Variants in NFATC3 observed in about 807,000 individuals in gnomAD.
The protein encoded by NFATC3 is nuclear factor of activated T-cells, cytoplasmic 3.
NFATC3 carries 46 observed loss-of-function variants against 98.6 expected under a neutral mutation model. The observed-to-expected ratio is 0.47, with a 90% CI of 0.37 to 0.60. NFATC3 has a LOEUF of 0.60. Ranked by LOEUF, NFATC3 falls within the 20% of genes least tolerant of loss-of-function variation. NFATC3 has a pLI of 0.00. For missense variants in NFATC3, 1,256 were observed against 1,295.5 expected, an observed-to-expected ratio of 0.97 and a Z score of 0.47; for synonymous variants, 512 against 472.2, an observed-to-expected ratio of 1.08 and a Z score of -1.09.
At chr16:68,218,957 G>A (rs976444444) in intron 9 of NFATC3, among the ~76,000 whole-genome samples, 3 of 151,828 alleles carry the variant, frequency 2.0e-5, no homozygotes, top group Admixed American at 2.0e-4. Context: ...ACAACATCTC[G>A]GCTGGGCACG....
At chr16:68,216,145 G>A (rs2041629875) in intron 9 of NFATC3, among the ~76,000 whole-genome samples, 1 of 152,166 alleles carries the variant, frequency 6.6e-6, no homozygotes. Flanking sequence ...CACAGGTAGT[G>A]GAATGGGTCC....
intron 9 of NFATC3, chr16:68,214,443 A>G (rs1347762711): frequency 1.9e-6 from 3 of 1,608,984 alleles, no homozygotes; most frequent in African/African-American, 2.7e-5. Context: ...GTGAGTGTTG[A>G]TTGAAATGTG....
chr16:68,154,517 C>A (rs2038507773), intron 3 of NFATC3, among the ~76,000 whole-genome samples: 1 of 152,078 alleles, frequency 6.6e-6, no homozygotes, highest in African/African-American at 2.4e-5. Flanking sequence ...CATATGCTTA[C>A]CTGAAGCTCC....
chr16:68,223,260 G>A (rs183459945), intron 9 of NFATC3, among the ~76,000 whole-genome samples: 2 of 152,314 alleles, frequency 1.3e-5, no homozygotes, highest in Non-Finnish European at 2.9e-5. Context: ...GACAGGTCAG[G>A]CACAATGGCT....
In NFATC3 at chr16:68,122,590, C is replaced by T. The variant is rs752741883; in HGVS notation, c.707C>T (p.Ser236Leu). Residue 236 changes from serine (S) to leucine (L), a missense_variant, in exon 2 of 10, where the codon TCA becomes TTA. Around this residue, in one of 3 missense-constraint regions of NFATC3, gnomAD observed 464 missense variants for 465.7 expected, o/e 1.00. Coordinates refer to ENST00000346183, the MANE Select transcript of NFATC3 (RefSeq NM_173165.3). ...HQQYGLGHSL[S>L]PRQSPCHSPR... The stretch of plus-strand genomic sequence containing the variant: ...CAGTATGGACTTGGACACTCATTAT[C>T]ACCCAGGCAATCTCCTTGCCACTCT... 6.2e-7 allele frequency: 1 copy of T among 1,614,166 alleles called. No homozygotes were observed. Among genetic ancestry groups the T allele is most frequent in the Non-Finnish European group, 8.5e-7 (1 of 1,180,028 alleles).
intron 1 of NFATC3, among the ~76,000 whole-genome samples, chr16:68,106,153 A>AGCC (rs2035642270): frequency 6.6e-6 from 1 of 152,060 alleles, no homozygotes; most frequent in South Asian, 2.1e-4. Context: ...TATAGGTGTG[A>AGCC]GCCGCCGCAC....
chr16:68,217,857 T>C, intron 9 of NFATC3: 2 of 1,228,566 alleles, frequency 1.6e-6, no homozygotes, highest in Non-Finnish European at 2.0e-6. Context: ...AGAAAACGAA[T>C]TGCATGGGCC....
intron 3 of NFATC3, among the ~76,000 whole-genome samples, chr16:68,144,407 C>A (rs199801092): frequency 1.3e-5 from 2 of 152,090 alleles, no homozygotes; most frequent in African/African-American, 4.8e-5. Flanking sequence ...TTATGCCCCA[C>A]CAATCTCACT....
chr16:68,207,997 C>T (rs770135007), intron 9 of NFATC3, among the ~76,000 whole-genome samples: 47 of 152,004 alleles, frequency 3.1e-4, no homozygotes, highest in Non-Finnish European at 5.7e-4. Context: ...GCCTGTTGTC[C>T]ATTTGTATAT....
rs776342784 is a variant in NFATC3 at position 68,122,280 on chromosome 16, A to T, written c.397A>T (p.Ile133Leu). The change falls in exon 2 of 10, where the codon ATA becomes TTA. Residue 133 changes from isoleucine to leucine, a missense_variant. Around this residue, in one of 3 missense-constraint regions of NFATC3, gnomAD observed 464 missense variants for 465.7 expected, o/e 1.00. Coordinates refer to ENST00000346183, the MANE Select transcript of NFATC3 (RefSeq NM_173165.3). ...ELDAHEDDLQ[I>L]NDPEREFLER... Reference sequence around the variant, plus strand: ...AGATGCACATGAAGATGACCTACAGATAAATGACCCAGAACGGGAATTTTT... The same window carrying T: ...AGATGCACATGAAGATGACCTACAGTTAAATGACCCAGAACGGGAATTTTT... 1 of 1,614,168 alleles carries T rather than the reference A, an allele frequency of 6.2e-7. No individual in the cohort carries two copies.
At chr16:68,162,266 G>C (rs1314557607) in intron 4 of NFATC3, among the ~76,000 whole-genome samples, 1 of 152,188 alleles carries the variant, frequency 6.6e-6, no homozygotes, top group African/African-American at 2.4e-5. Context: ...AGGTACTGTA[G>C]ATACCAGGGT....
chr16:68,199,840 C>T (rs372583388), intron 9 of NFATC3: 1 of 152,120 alleles, frequency 6.6e-6, no homozygotes. Context: ...CCTGCCTCAG[C>T]CTCCCAAAGT....
Position 68,112,172 on chromosome 16 carries a change from G to A in NFATC3, c.104-9815G>A, listed in dbSNP as rs115951981. ...TTTGAATGGTGGCCTATCTTGCTAG[G>A]TTGGGGAAGTTCTCATGGATGATAC... On this transcript the variant is annotated intron_variant, in intron 1 of 9. Coordinates refer to ENST00000346183, the MANE Select transcript of NFATC3 (RefSeq NM_173165.3). Among the ~76,000 whole-genome samples the A allele has an allele frequency of 8.2e-3, 1,248 of 151,674 alleles. 16 individuals are homozygous for A. The highest frequency in any genetic ancestry group is 0.028 in the African/African-American group (1,168 of 41,346).
intron 5 of NFATC3, among the ~76,000 whole-genome samples, chr16:68,169,318 G>T (rs2039353900): frequency 6.6e-6 from 1 of 152,000 alleles, no homozygotes; most frequent in African/African-American, 2.4e-5. Context: ...GCCCAGGCTG[G>T]AGTGCAATGG....
intron 9 of NFATC3, among the ~76,000 whole-genome samples, chr16:68,217,226 G>A (rs2041671503): frequency 6.6e-6 from 1 of 152,096 alleles, no homozygotes; most frequent in African/African-American, 2.4e-5. Flanking sequence ...GAGCCCAGGA[G>A]TTTGAGACCA....
chr16:68,184,580 G>A (rs1887327406), intron 8 of NFATC3, among the ~76,000 whole-genome samples: 1 of 152,068 alleles, frequency 6.6e-6, no homozygotes, highest in South Asian at 2.1e-4. Context: ...GAGGTGGGTG[G>A]ATCACGAGGT....
At chr16:68,124,929 C>T (rs2036757781) in intron 2 of NFATC3, among the ~76,000 whole-genome samples, 2 of 151,986 alleles carry the variant, frequency 1.3e-5, no homozygotes, top group Non-Finnish European at 2.9e-5. Context: ...ATGGGTTTCA[C>T]CATGTTGGCC....
chr16:68,202,549 C>A (rs1459014827), intron 9 of NFATC3, among the ~76,000 whole-genome samples: 2 of 152,058 alleles, frequency 1.3e-5, no homozygotes, highest in Non-Finnish European at 2.9e-5. Flanking sequence ...CGGTGGCTGA[C>A]GCCTGTAATC....
At chr16:68,159,333 C>T (rs2038773280) in intron 4 of NFATC3, among the ~76,000 whole-genome samples, 2 of 151,676 alleles carry the variant, frequency 1.3e-5, no homozygotes, top group South Asian at 4.1e-4. Context: ...GGGTAGTAGG[C>T]ACAACCAGAC....
Sources: gnomAD v4.1 joint callset for allele counts (sites outside exome capture counted in the v4.1 genomes callset) on GRCh38, gnomAD v4.1.1 for gene constraint, gnomAD v4.1.1 regional missense constraint, MANE v1.5 for transcripts, NCBI Gene and HGNC (gene_info 2026-07-23, HGNC 2026-07-21) for gene names.